Variants in ACOXL observed in about 807,000 individuals in gnomAD.
ACOXL encodes the protein acyl-coenzyme A oxidase-like protein.
Under a neutral mutation model 71.9 loss-of-function variants are expected in ACOXL, and 70 were observed. The ratio of observed to expected loss-of-function variants is 0.97; its 90% CI spans 0.80 to 1.19. ACOXL has a LOEUF of 1.19. Among genes scored for constraint, ACOXL ranks in the 50% most tolerant of loss-of-function variants. The pLI is 0.00. For missense variants in ACOXL, 703 were observed against 736.3 expected (o/e 0.95, Z 0.52); for synonymous variants, 253 against 281.6 (o/e 0.90, Z 1.02).
At chr2:110,860,551 C>T (rs1334154795) in intron 10 of ACOXL, among the ~76,000 whole-genome samples, 3 of 152,224 alleles carry the variant, frequency 2.0e-5, no homozygotes, top group Non-Finnish European at 4.4e-5. Context: ...TGAGCCTGGC[C>T]TGGGCTGAGA....
At chr2:110,906,839 A>G (rs2059470538) in intron 10 of ACOXL, among the ~76,000 whole-genome samples, 1 of 152,170 alleles carries the variant, frequency 6.6e-6, no homozygotes, top group African/African-American at 2.4e-5. Flanking sequence ...TCCAGTGCCT[A>G]GCATGATGCT....
At chr2:111,046,678 C>T (rs567684739) in intron 15 of ACOXL, among the ~76,000 whole-genome samples, 1 of 152,090 alleles carries the variant, frequency 6.6e-6, no homozygotes, top group Non-Finnish European at 1.5e-5. Context: ...ATTTACCTCC[C>T]ACTGTGTCCC....
At chr2:110,737,363 C>T (rs1352910738) in intron 1 of ACOXL, among the ~76,000 whole-genome samples, 2 of 152,164 alleles carry the variant, frequency 1.3e-5, no homozygotes, top group Non-Finnish European at 2.9e-5. Context: ...TTATAGAAAA[C>T]GAATGTTTCT....
intron 12 of ACOXL, among the ~76,000 whole-genome samples, chr2:110,962,147 T>C (rs2061722517): frequency 1.3e-5 from 2 of 152,216 alleles, no homozygotes; most frequent in Non-Finnish European, 2.9e-5. Flanking sequence ...AGGGCTGTTG[T>C]GAGGATTAAA....
intron 14 of ACOXL, among the ~76,000 whole-genome samples, chr2:111,011,563 C>T (rs1270194923): frequency 6.6e-6 from 1 of 152,056 alleles, no homozygotes; most frequent in African/African-American, 2.4e-5. Flanking sequence ...ATGTTAATAT[C>T]AGATAGAGGA....
intron 1 of ACOXL, among the ~76,000 whole-genome samples, chr2:110,736,911 T>C: frequency 6.6e-6 from 1 of 152,190 alleles, no homozygotes; most frequent in Non-Finnish European, 1.5e-5. Flanking sequence ...TGAGTCACTG[T>C]GCCTGGCCTA....
At chr2:110,951,848 G>A (rs1373158867) in intron 12 of ACOXL, among the ~76,000 whole-genome samples, 1 of 152,194 alleles carries the variant, frequency 6.6e-6, no homozygotes, top group Admixed American at 6.5e-5. Context: ...CATGATGTAT[G>A]TGTGTGTATT....
chr2:110,740,303 T>C (rs1459460442), intron 1 of ACOXL, among the ~76,000 whole-genome samples: 2 of 152,360 alleles, frequency 1.3e-5, no homozygotes, highest in Admixed American at 1.3e-4. Flanking sequence ...AAATCCAGTT[T>C]AATTGTGGGC....
At position 110,805,351 on chromosome 2, in the gene ACOXL, C is replaced by T; in HGVS notation, c.709C>T (p.Pro237Ser). The T allele has an allele frequency of 1.6e-5, 26 of 1,614,200 alleles. No homozygotes were observed. Among genetic ancestry groups the T allele is most frequent in the Non-Finnish European group, 2.2e-5 (26 of 1,180,044 alleles). The change falls in exon 9 of 18, where the codon CCT (proline) becomes TCT (serine). Residue 237 changes from proline to serine, a missense_variant. Pro to Ser is a moderately conservative substitution (Grantham distance 74). Coordinates refer to ENST00000439055, the MANE Select transcript of ACOXL (RefSeq NM_001142807.4). ...CAATGCCATGCTGGCAGCACTGACC[C>T]CTTCGAGATTAGCTGTGGCTTTCCA... Reference protein sequence around the residue: ...RFNAMLAALTPSRLAVAFQAM... With the variant: ...RFNAMLAALTSSRLAVAFQAM...
intron 12 of ACOXL, among the ~76,000 whole-genome samples, chr2:110,959,588 G>T (rs915426642): frequency 5.3e-5 from 8 of 152,050 alleles, no homozygotes; most frequent in Admixed American, 5.2e-4. Context: ...TCTTTGTGAG[G>T]CATGGCCATC....
At chr2:110,995,826 A>T in intron 13 of ACOXL, 67 bp from the exon 14 acceptor site, 1 of 1,272,454 alleles carries the variant, frequency 7.9e-7, no homozygotes, top group Non-Finnish European at 1.1e-6. Flanking sequence ...AACCTACTCT[A>T]TTTCTTTCAA....
Position 110,877,451 on chromosome 2 carries a change from G to T in ACOXL, c.789-31338G>T, listed in dbSNP as rs138706281. 1.9e-3 allele frequency among the ~76,000 whole-genome samples: 285 copies of T among 152,274 alleles called. 2 individuals are homozygous for T. Among genetic ancestry groups the T allele is most frequent in the African/African-American group, 6.4e-3 (267 of 41,544 alleles). Reference sequence around the variant, plus strand: ...TGTAACTTCTGTCTTAATTTATGTTGGTTTAACAAGAAATCACATTTCTGT... The same window carrying T: ...TGTAACTTCTGTCTTAATTTATGTTTGTTTAACAAGAAATCACATTTCTGT... On this transcript the variant is annotated intron_variant, in intron 10 of 17. Transcript: ENST00000439055.
chr2:111,055,452 A>T (rs2066488169), intron 16 of ACOXL, among the ~76,000 whole-genome samples: 2 of 152,186 alleles, frequency 1.3e-5, no homozygotes, highest in African/African-American at 4.8e-5. Flanking sequence ...ACCTTCCATC[A>T]TGCACAGTGC....
intron 16 of ACOXL, among the ~76,000 whole-genome samples, chr2:111,055,038 C>A (rs1287157352): frequency 1.3e-5 from 2 of 152,174 alleles, no homozygotes; most frequent in Admixed American, 1.3e-4. Flanking sequence ...TTGTCATTGT[C>A]ATAAAGATTC....
At chr2:110,846,621 G>C (rs1691868907) in intron 10 of ACOXL, among the ~76,000 whole-genome samples, 1 of 117,538 alleles carries the variant, frequency 8.5e-6, no homozygotes. Flanking sequence ...CCGCATGTGA[G>C]CATGCAAGTA....
intron 10 of ACOXL, among the ~76,000 whole-genome samples, chr2:110,842,756 A>G (rs1188026465): frequency 6.6e-6 from 1 of 152,150 alleles, no homozygotes; most frequent in African/African-American, 2.4e-5. Context: ...TGAGAATTTT[A>G]TGGCCTGTAT....
chr2:110,958,198 C>T (rs1002634278), intron 12 of ACOXL, among the ~76,000 whole-genome samples: 3 of 152,182 alleles, frequency 2.0e-5, no homozygotes, highest in Admixed American at 2.0e-4. Context: ...AGGCCTCTTC[C>T]AACTAAATTT....
At position 110,768,394 on chromosome 2, in the gene ACOXL, G is replaced by A. The variant is rs761416226; in HGVS notation, c.5G>A (p.Arg2Lys). The A allele has an allele frequency of 6.2e-7, 1 of 1,614,074 alleles. No homozygotes were observed. The highest frequency in any genetic ancestry group is 1.7e-5 in the Admixed American group (1 of 60,000). Residue 2 changes from arginine (R) to lysine (K), a missense_variant, in exon 2 of 18, where the codon AGA becomes AAA. Coordinates refer to ENST00000439055, the MANE Select transcript of ACOXL (RefSeq NM_001142807.4). ...TATGATTTAAGCTTGGATGAAATGA[G>A]AGCTTTGACAGTTCAGAGAGTGAAG... M[R>K]ALTVQRVKFA...
chr2:111,016,639 A>G (rs1019537970), intron 14 of ACOXL: 1 of 152,330 alleles, frequency 6.6e-6, no homozygotes, highest in African/African-American at 2.4e-5. Flanking sequence ...TCACGTGTCC[A>G]TCCTGGGCCA....
Sources: gnomAD v4.1 joint callset for allele counts (sites outside exome capture counted in the v4.1 genomes callset) on GRCh38, gnomAD v4.1.1 for gene constraint, MANE v1.5 for transcripts, NCBI Gene and HGNC (gene_info 2026-07-23, HGNC 2026-07-21) for gene names.